The following CLASP2 variants were observed in gnomAD, a reference collection of about 807,000 sequenced individuals.
CLASP2 encodes the protein cytoplasmic linker associated protein 2, also known as CLIP-associating protein 2.
In CLASP2, 47 loss-of-function variants were observed where a neutral mutation model predicts 194.4. The observed-to-expected ratio is 0.24, with a 90% CI of 0.19 to 0.31. CLASP2 has a LOEUF of 0.31. Among genes scored for constraint, CLASP2 ranks in the 10% least tolerant of loss-of-function variants. CLASP2 has a pLI of 1.00. For synonymous variants in CLASP2, 619 were observed against 633.5 expected (o/e 0.98, Z 0.34); for missense variants, 1,445 against 1,823.6 (o/e 0.79, Z 3.78).
intron 7 of CLASP2, among the ~76,000 whole-genome samples, chr3:33,657,143 A>G (rs2084387358): frequency 6.6e-6 from 1 of 152,178 alleles, no homozygotes; most frequent in Non-Finnish European, 1.5e-5. Flanking sequence ...AACAAAAAAC[A>G]TCAGGTAGGG....
intron 23 of CLASP2, 118 bp downstream of exon 23, chr3:33,581,703 A>C: frequency 1.5e-6 from 1 of 645,616 alleles, no homozygotes; most frequent in Non-Finnish European, 2.7e-6. Context: ...AATGACAGAA[A>C]AGGGGTAGAG....
At chr3:33,624,675 A>G (rs1178172955) in intron 10 of CLASP2, among the ~76,000 whole-genome samples, 7 of 152,118 alleles carry the variant, frequency 4.6e-5, no homozygotes, top group East Asian at 1.9e-4. Context: ...TACAAAAATT[A>G]TAACAATATA....
intron 7 of CLASP2, among the ~76,000 whole-genome samples, chr3:33,648,801 G>A (rs931039291): frequency 2.0e-5 from 3 of 152,142 alleles, no homozygotes; most frequent in African/African-American, 7.2e-5. Context: ...TGGATTGGAA[G>A]CTTCTTAAGG....
intron 6 of CLASP2, among the ~76,000 whole-genome samples, chr3:33,673,381 C>T (rs1230007761): frequency 2.0e-5 from 3 of 152,054 alleles, no homozygotes; most frequent in South Asian, 2.1e-4. Context: ...ACTTTACAGA[C>T]AAGCAAATGC....
chr3:33,634,231 A>G, intron 8 of CLASP2, among the ~76,000 whole-genome samples: 1 of 152,238 alleles, frequency 6.6e-6, no homozygotes, highest in East Asian at 1.9e-4. Context: ...AATATTATCT[A>G]AACTGTGTAC....
intron 22 of CLASP2, 119 bp downstream of exon 22, chr3:33,584,631 G>C: frequency 1.1e-6 from 1 of 910,516 alleles, no homozygotes; most frequent in Non-Finnish European, 1.5e-6. Context: ...GAATTTTTAA[G>C]TTATTTTCTT....
At chr3:33,677,339 T>C (rs1575517409) in intron 6 of CLASP2, among the ~76,000 whole-genome samples, 1 of 150,160 alleles carries the variant, frequency 6.7e-6, no homozygotes. Flanking sequence ...ATTAAGAAAA[T>C]GTGGCACATA....
chr3:33,574,588 T>A (rs1283240492), intron 24 of CLASP2: 1 of 684,600 alleles, frequency 1.5e-6, no homozygotes, highest in Non-Finnish European at 2.4e-6. Flanking sequence ...ACAATGCCTA[T>A]GATCAGAAAC....
At chr3:33,527,219 A>G (rs2054807221) in intron 34 of CLASP2, among the ~76,000 whole-genome samples, 1 of 152,194 alleles carries the variant, frequency 6.6e-6, no homozygotes. Flanking sequence ...TAGATAGGCC[A>G]CTAGCTAGAC....
intron 2 of CLASP2, among the ~76,000 whole-genome samples, chr3:33,690,840 G>C (rs1436833281): frequency 6.6e-6 from 1 of 152,072 alleles, no homozygotes; most frequent in Non-Finnish European, 1.5e-5. Flanking sequence ...TTGGTTATCA[G>C]ATCAAAAACA....
At chr3:33,670,234 AGTCAGGATTGTG>A (rs1319152615) in intron 6 of CLASP2, among the ~76,000 whole-genome samples, 1 of 152,186 alleles carries the variant, frequency 6.6e-6, no homozygotes, top group African/African-American at 2.4e-5. Flanking sequence ...TGGTGTTAGA[AGTCAGGATTGTG>A]GTTACTTTTA....
intron 6 of CLASP2, among the ~76,000 whole-genome samples, chr3:33,673,307 A>G (rs1300221017): frequency 6.6e-6 from 1 of 152,236 alleles, no homozygotes; most frequent in Admixed American, 6.5e-5. Context: ...TAAAGAAAAG[A>G]ATTTTCAACC....
intron 37 of CLASP2, among the ~76,000 whole-genome samples, chr3:33,508,789 T>C (rs1363876464): frequency 6.6e-6 from 1 of 152,238 alleles, no homozygotes; most frequent in Non-Finnish European, 1.5e-5. Context: ...GAATAACCAA[T>C]AATCTTCAAA....
intron 33 of CLASP2, among the ~76,000 whole-genome samples, chr3:33,536,251 A>G (rs2057310841): frequency 7.9e-6 from 1 of 126,702 alleles, no homozygotes. Context: ...GTGGAGGGAC[A>G]GACCAAAAAA....
intron 1 of CLASP2, among the ~76,000 whole-genome samples, chr3:33,717,371 G>A (rs1249660717): frequency 6.6e-6 from 1 of 152,188 alleles, no homozygotes; most frequent in African/African-American, 2.4e-5. Context: ...GCTCGCGTAC[G>A]AAGAGGCGGT....
intron 36 of CLASP2, among the ~76,000 whole-genome samples, chr3:33,513,044 C>A (rs1029690467): frequency 6.6e-6 from 1 of 151,974 alleles, no homozygotes; most frequent in Non-Finnish European, 1.5e-5. Flanking sequence ...ATACACTGGA[C>A]GTTAGAAGAC....
intron 7 of CLASP2, among the ~76,000 whole-genome samples, chr3:33,661,496 T>C (rs924899118): frequency 3.3e-5 from 5 of 152,222 alleles, no homozygotes; most frequent in African/African-American, 1.2e-4. Context: ...TATGTTAGTA[T>C]TTCAGAAGTA....
chr3:33,606,248 A>G (rs933225497), intron 16 of CLASP2, among the ~76,000 whole-genome samples: 1 of 152,142 alleles, frequency 6.6e-6, no homozygotes, highest in African/African-American at 2.4e-5. Flanking sequence ...AATTCTCAAG[A>G]TAACTTCTGA....
chr3:33,504,649 G>A (rs1283734198), intron 37 of CLASP2: 2 of 152,312 alleles, frequency 1.3e-5, no homozygotes, highest in Non-Finnish European at 1.5e-5. Flanking sequence ...TGGTTTTGTG[G>A]AAGGCAATTT....
Sources: allele counts gnomAD v4.1 joint callset (sites outside exome capture counted in the v4.1 genomes callset), GRCh38; gene constraint gnomAD v4.1.1; transcripts MANE v1.5; gene names NCBI Gene and HGNC (gene_info 2026-07-23, HGNC 2026-07-21).